CDKL1: variants seen among roughly 807,000 people sequenced by gnomAD.
The protein encoded by CDKL1 is cyclin dependent kinase like 1, also known as cyclin-dependent kinase-like 1.
Under a neutral mutation model 42.0 loss-of-function variants are expected in CDKL1, and 41 were observed. That is an observed-to-expected ratio of 0.98 (90% CI 0.76 to 1.27). The LOEUF (loss-of-function observed/expected upper bound fraction) is 1.27, where lower values mean the gene tolerates loss of function less well. CDKL1 is among the 50% of genes most tolerant of loss of function. CDKL1 has a pLI of 0.00. For synonymous variants in CDKL1, 153 were observed against 158.6 expected (o/e 0.96, Z 0.26); for missense variants, 394 against 428.4 (o/e 0.92, Z 0.71).
intron 2 of CDKL1, among the ~76,000 whole-genome samples, chr14:50,375,315 A>G (rs2034699709): frequency 6.6e-6 from 1 of 152,250 alleles, no homozygotes; most frequent in Admixed American, 6.5e-5. Flanking sequence ...AAACAAATAA[A>G]TAAAAGATAA....
chr14:50,336,314 A>C (rs1384427643), intron 7 of CDKL1: 2 of 1,169,416 alleles, frequency 1.7e-6, no homozygotes, highest in East Asian at 1.2e-4. Flanking sequence ...CTGGGAAGCC[A>C]TGGGAAGCTT....
chr14:50,375,098 A>T (rs1011597403), intron 2 of CDKL1, among the ~76,000 whole-genome samples: 32 of 152,102 alleles, frequency 2.1e-4, no homozygotes, highest in Admixed American at 1.6e-3. Context: ...GGAACTTATT[A>T]AAAAAAATTA....
intron 2 of CDKL1, chr14:50,362,165 T>TCCCCACCC (rs1555342111): frequency 1.6e-4 from 36 of 219,482 alleles, no homozygotes; most frequent in African/African-American, 9.5e-4. Flanking sequence ...GAGCCTCCCC[T>TCCCCACCC]CCCCACCCCC....
chr14:50,343,573 T>C (rs544286287), intron 4 of CDKL1, among the ~76,000 whole-genome samples: 1 of 152,294 alleles, frequency 6.6e-6, no homozygotes, highest in East Asian at 1.9e-4. Context: ...CATGATGACA[T>C]ATGGTCAGAA....
At chr14:50,336,156 G>A in intron 7 of CDKL1, 3 of 1,364,580 alleles carry the variant, frequency 2.2e-6, no homozygotes, top group Non-Finnish European at 2.9e-6. Flanking sequence ...GCCCATCTGT[G>A]AGCGTTTCAC....
At chr14:50,346,802 C>G (rs1457728378) in intron 3 of CDKL1, among the ~76,000 whole-genome samples, 1 of 151,808 alleles carries the variant, frequency 6.6e-6, no homozygotes, top group African/African-American at 2.4e-5. Flanking sequence ...GTGTGTGCCA[C>G]CACACTCAGC....
Position 50,367,120 on chromosome 14 carries a change from G to A in CDKL1, c.169-7971C>T, listed in dbSNP as rs912524276. 1.0e-3 allele frequency among the ~76,000 whole-genome samples: 153 copies of A among 152,188 alleles called. 5 individuals carry two copies. Among genetic ancestry groups the A allele is most frequent in the Non-Finnish European group, 3.2e-4 (22 of 68,026 alleles). On this transcript the variant is annotated intron_variant, in intron 2 of 9. Transcript: ENST00000395834. The stretch of plus-strand genomic sequence containing the variant: ...TTGATGAGGAGGAAACACGAAAGGG[G>A]AAAGGGAAGAAAGCCCCTTAAGATG...
At chr14:50,391,891 G>A (rs888555128) in intron 2 of CDKL1, among the ~76,000 whole-genome samples, 2 of 151,960 alleles carry the variant, frequency 1.3e-5, no homozygotes, top group Non-Finnish European at 1.5e-5. Context: ...ACATCTTTAC[G>A]AACACCTCTG....
intron 7 of CDKL1, among the ~76,000 whole-genome samples, chr14:50,337,974 G>GT (rs1411677665): frequency 6.6e-6 from 1 of 151,942 alleles, no homozygotes; most frequent in Non-Finnish European, 1.5e-5. Flanking sequence ...GCCTGATGAG[G>GT]TATTTCTATT....
upstream of CDKL1, chr14:50,397,036 C>T (rs770712961): frequency 3.1e-6 from 4 of 1,270,154 alleles, no homozygotes; most frequent in Non-Finnish European, 4.1e-6. Context: ...GGCCGCCCTC[C>T]GTCCATGGGA....
intron 3 of CDKL1, among the ~76,000 whole-genome samples, chr14:50,354,471 T>C (rs1208537402): frequency 6.6e-6 from 1 of 152,202 alleles, no homozygotes; most frequent in Non-Finnish European, 1.5e-5. Flanking sequence ...CAATGAAGTC[T>C]TATGTCTGGC....
At chr14:50,335,474 GTC>G in intron 7 of CDKL1, 1 of 1,536,026 alleles carries the variant, frequency 6.5e-7, no homozygotes, top group Non-Finnish European at 8.7e-7. Flanking sequence ...TGTTTAAACA[GTC>G]TCCTGTGGGG....
At chr14:50,347,144 C>T (rs1191082456) in intron 3 of CDKL1, among the ~76,000 whole-genome samples, 2 of 152,204 alleles carry the variant, frequency 1.3e-5, no homozygotes, top group East Asian at 3.8e-4. Flanking sequence ...GTACAAACTA[C>T]TTAGTGCCAT....
At chr14:50,340,521 A>G (rs1021411396) in intron 6 of CDKL1, among the ~76,000 whole-genome samples, 5 of 152,064 alleles carry the variant, frequency 3.3e-5, no homozygotes, top group Non-Finnish European at 7.4e-5. Flanking sequence ...GTAGAGAGAA[A>G]GGAAAGGGCA....
Position 50,328,179 on chromosome 14 carries a change from T to C in CDKL1, c.*1895A>G, listed in dbSNP as rs2032781027. On this transcript the variant is annotated 3_prime_UTR_variant, in exon 10 of 10. Transcript: ENST00000395834. ...TATTGGCTGAATTATTAGGCTGTTA[T>C]AGTAATCTGCCTCCGTCAAGTGTAT... 2.6e-5 allele frequency: 4 copies of C among 152,190 alleles called. No individual in the cohort carries two copies. The highest frequency in any genetic ancestry group is 1.9e-4 in the East Asian group (1 of 5,196). 9.4% of individuals were successfully genotyped at this position (152,190 alleles called of 1,614,324 possible).
At position 50,341,142 on chromosome 14, in the gene CDKL1, G is replaced by C. The variant is rs762377622; in HGVS notation, c.545C>G (p.Pro182Arg). The change falls in exon 6 of 10, where the codon CCG becomes CGG. Residue 182 changes from proline to arginine, a missense_variant. Transcript: ENST00000395834. ...ACAGCCAATTGCCCAAACATCCACC[G>C]GGGGGCCGTACTGCGTGTCCCCCAC... ...LLVGDTQYGPPVDVWAIGCVF... is the reference protein window; with the variant it reads ...LLVGDTQYGPRVDVWAIGCVF... 1.9e-6 allele frequency: 3 copies of C among 1,614,034 alleles called. No homozygotes were observed. The highest frequency in any genetic ancestry group is 2.2e-5 in the South Asian group (2 of 91,076).
intron 2 of CDKL1, among the ~76,000 whole-genome samples, chr14:50,393,207 T>C (rs998850578): frequency 1.3e-5 from 2 of 152,194 alleles, no homozygotes; most frequent in African/African-American, 2.4e-5. Context: ...ATTTTCACCA[T>C]TCAACAAGCA....
chr14:50,378,561 T>A, intron 2 of CDKL1: 1 of 676,950 alleles, frequency 1.5e-6, no homozygotes, highest in Non-Finnish European at 2.1e-6. Flanking sequence ...AGAGACAGGG[T>A]CATAATCTGT....
At chr14:50,354,257 T>C (rs1272056436) in intron 3 of CDKL1, among the ~76,000 whole-genome samples, 2 of 152,156 alleles carry the variant, frequency 1.3e-5, no homozygotes, top group African/African-American at 2.4e-5. Flanking sequence ...CCCCAGCCCT[T>C]CATTTCAATG....
Sources: allele counts gnomAD v4.1 joint callset (sites outside exome capture counted in the v4.1 genomes callset), GRCh38; gene constraint gnomAD v4.1.1; transcripts MANE v1.5; gene names NCBI Gene and HGNC (gene_info 2026-07-23, HGNC 2026-07-21).